The following TRANK1 variants were observed in gnomAD, a reference collection of about 807,000 sequenced individuals.
TRANK1 encodes TPR and ankyrin repeat-containing protein 1.
TRANK1 carries 198 observed loss-of-function variants against 266.0 expected under a neutral mutation model. That is an observed-to-expected ratio of 0.74 (90% CI 0.66 to 0.84). The LOEUF (loss-of-function observed/expected upper bound fraction) is 0.84. TRANK1 is among the 40% of genes least tolerant of loss of function. The probability of loss-of-function intolerance (pLI) is 0.00; values close to 1 mark genes in which losing one functional copy is unlikely to be tolerated. For missense variants in TRANK1, 3,326 were observed against 3,634.6 expected (o/e 0.92, Z 2.18); for synonymous variants, 1,396 against 1,384.1 (o/e 1.01, Z -0.19).
intron 1 of TRANK1, among the ~76,000 whole-genome samples, chr3:36,920,365 T>C (rs928867309): frequency 2.6e-5 from 4 of 152,170 alleles, no homozygotes; most frequent in Non-Finnish European, 5.9e-5. Flanking sequence ...TTCTGTTATG[T>C]GCCTCTCTTC....
chr3:36,874,633 A>C (rs938026344), intron 8 of TRANK1, among the ~76,000 whole-genome samples: 1 of 152,202 alleles, frequency 6.6e-6, no homozygotes, highest in Non-Finnish European at 1.5e-5. Context: ...CTGTGACTTC[A>C]GATTTCTTTA....
Position 36,830,952 on chromosome 3 carries a change from C to A in TRANK1, c.8631G>T (p.Met2877Ile). 6.2e-7 allele frequency: 1 copy of A among 1,614,028 alleles called. No homozygotes were observed. Among genetic ancestry groups the A allele is most frequent in the Middle Eastern group, 1.6e-4 (1 of 6,062 alleles). The change falls in exon 22 of 24, where the codon ATG becomes ATT. Residue 2877 changes from methionine to isoleucine, a missense_variant. Physicochemically the swap from Met to Ile is conservative, Grantham distance 10. Transcript: ENST00000645898. The part of the protein sequence containing the change: ...SHVGSKEHSH[M>I]LQKVQEHIKR... ...TGATGTGCTCCTGGACCTTCTGCAG[C>A]ATGTGGCTGTGCTCCTTGGAGCCCA...
chr3:36,872,891 G>A (rs1163252942), intron 9 of TRANK1, among the ~76,000 whole-genome samples: 4 of 152,152 alleles, frequency 2.6e-5, no homozygotes. Flanking sequence ...ATACATACTA[G>A]GGAAATTGCA....
chr3:36,942,469 CCTT>C (rs1163730069), intron 1 of TRANK1, among the ~76,000 whole-genome samples: 2 of 136,862 alleles, frequency 1.5e-5, no homozygotes, highest in African/African-American at 5.4e-5. Flanking sequence ...CAGCATCTTC[CCTT>C]CTTCTTCCTC....
chr3:36,841,248 C>T (rs1444047650), intron 18 of TRANK1, among the ~76,000 whole-genome samples: 5 of 152,276 alleles, frequency 3.3e-5, no homozygotes, highest in East Asian at 1.9e-4. Context: ...TGTTCCAAAG[C>T]GGCAAGAGAA....
At chr3:36,906,037 T>A (rs1045863632) in intron 2 of TRANK1, among the ~76,000 whole-genome samples, 1 of 152,096 alleles carries the variant, frequency 6.6e-6, no homozygotes, top group African/African-American at 2.4e-5. Flanking sequence ...TGAACACACA[T>A]AGTGTGGGGT....
chr3:36,848,603 T>G (rs2078945764), intron 15 of TRANK1, among the ~76,000 whole-genome samples: 2 of 152,240 alleles, frequency 1.3e-5, no homozygotes, highest in African/African-American at 4.8e-5. Flanking sequence ...ACTTGAACTA[T>G]GTAAACAAGG....
chr3:36,852,684 C>T (rs1469646081), intron 13 of TRANK1, among the ~76,000 whole-genome samples: 2 of 150,270 alleles, frequency 1.3e-5, no homozygotes, highest in Admixed American at 6.7e-5. Context: ...GCAGGAGAAT[C>T]GCTTGAACCC....
intron 15 of TRANK1, chr3:36,850,866 A>G (rs1479802161): frequency 1.0e-5 from 10 of 985,330 alleles, no homozygotes; most frequent in African/African-American, 1.7e-5. Context: ...TGACTTGGGT[A>G]TAACATAGCC....
At chr3:36,914,946 T>C (rs889917400) in intron 1 of TRANK1, among the ~76,000 whole-genome samples, 2 of 150,990 alleles carry the variant, frequency 1.3e-5, no homozygotes, top group African/African-American at 4.9e-5. Flanking sequence ...CCTATTTTAT[T>C]TCTTTTTTGT....
At chr3:36,902,687 T>C (rs1022461701) in intron 3 of TRANK1, among the ~76,000 whole-genome samples, 3 of 152,212 alleles carry the variant, frequency 2.0e-5, no homozygotes, top group Admixed American at 6.5e-5. Context: ...TTCTGAAAAA[T>C]TGGTTTTGTG....
Position 36,831,437 on chromosome 3 carries a change from T to C in TRANK1, c.8146A>G (p.Lys2716Glu), listed in dbSNP as rs1446804380. The C allele has an allele frequency of 6.2e-7, 1 of 1,613,128 alleles. No homozygotes were observed. Among genetic ancestry groups the C allele is most frequent in the South Asian group, 1.1e-5 (1 of 90,830 alleles). ...CTCAACTTCCGCTGTATGGAGGCCT[T>C]CCGTTGCTTTTGGGAAAGAATGGTG... ...LATILSQKQR[K>E]ASIQRKLRRA... Residue 2716 changes from lysine to glutamate, a missense_variant, in exon 22 of 24, where the codon AAG (lysine) becomes GAG (glutamate). By Grantham distance (56) the Lys-to-Glu change is moderately conservative. Transcript: ENST00000645898. The surrounding 1 kb of genome is among the most constrained non-coding windows in gnomAD (Gnocchi z 5.0).
Position 36,833,207 on chromosome 3 carries a change from A to T in TRANK1, c.6376T>A (p.Tyr2126Asn). The T allele has an allele frequency of 6.2e-7, 1 of 1,614,004 alleles. No individual in the cohort carries two copies. The highest frequency in any genetic ancestry group is 1.1e-5 in the South Asian group (1 of 91,084). ...FFGISQVDAKYCQIAQNDPGP... is the reference protein window; with the variant it reads ...FFGISQVDAKNCQIAQNDPGP... ...GGGTCATTCTGAGCTATCTGGCAAT[A>T]CTTGGCATCCACCTGGGAAATCCCA... The change falls in exon 22 of 24, where the codon TAT becomes AAT. Residue 2126 changes from tyrosine to asparagine, a missense_variant. Physicochemically the swap from Tyr to Asn is moderately radical, Grantham distance 143. Transcript: ENST00000645898.
At chr3:36,851,039 G>A (rs1575200848) in intron 15 of TRANK1, 3 of 985,462 alleles carry the variant, frequency 3.0e-6, no homozygotes, top group Non-Finnish European at 2.4e-6. Context: ...CCAGGACAAC[G>A]GCTGTGAGTT....
chr3:36,939,260 TACACACACAC>T (rs10623771), intron 1 of TRANK1, among the ~76,000 whole-genome samples: 21 of 139,926 alleles, frequency 1.5e-4, no homozygotes, highest in African/African-American at 2.9e-4. Flanking sequence ...CATTCTAACA[TACACACACAC>T]ACACACACAC....
rs1048417794 is a variant in TRANK1, at chr3:36,827,009, C to T, written c.*1266G>A. The T allele has an allele frequency of 2.0e-5, 3 of 152,002 alleles. No individual in the cohort carries two copies. The highest frequency in any genetic ancestry group is 2.4e-5 in the African/African-American group (1 of 41,328). 9.4% of individuals were successfully genotyped at this position (152,002 alleles called of 1,614,324 possible). A position where few individuals can be genotyped will look rare whatever the true frequency, so the allele number is the denominator to read the frequency against. On this transcript the variant is annotated 3_prime_UTR_variant, in exon 24 of 24. Coordinates refer to ENST00000645898, the MANE Select transcript of TRANK1 (RefSeq NM_001329998.2). Reference sequence around the variant, plus strand: ...ATAAGGAAGAGAAAACAACAAGCAGCATGAGCAGCAAAAGCAGCAGCAACA... The same window carrying T: ...ATAAGGAAGAGAAAACAACAAGCAGTATGAGCAGCAAAAGCAGCAGCAACA...
chr3:36,879,661 T>C lies in TRANK1; in HGVS notation c.908-5365A>G, dbSNP rs1030184010. The stretch of plus-strand genomic sequence containing the variant: ...AAATATACAAATATATATAAATATA[T>C]AAATATATATAAATATATAAATATA... On this transcript the variant is annotated intron_variant, in intron 8 of 23. Coordinates refer to ENST00000645898, the MANE Select transcript of TRANK1 (RefSeq NM_001329998.2). 7.0e-5 allele frequency among the ~76,000 whole-genome samples: 8 copies of C among 113,630 alleles called. 1 individual carries two copies. The highest frequency in any genetic ancestry group is 1.0e-4 in the Admixed American group (1 of 9,532). 74.5% of individuals were successfully genotyped at this position (113,630 alleles called of 152,430 possible).
intron 1 of TRANK1, among the ~76,000 whole-genome samples, chr3:36,920,680 C>A (rs567888009): frequency 6.6e-6 from 1 of 152,028 alleles, no homozygotes; most frequent in Admixed American, 6.6e-5. Flanking sequence ...ATTTTGCTTC[C>A]GGCGTAAGGA....
At chr3:36,860,258 T>C (rs1268325259) in intron 11 of TRANK1, among the ~76,000 whole-genome samples, 1 of 152,130 alleles carries the variant, frequency 6.6e-6, no homozygotes. Context: ...AATGAAGTCA[T>C]AAATGGCATG....
Sources: gnomAD v4.1 joint callset for allele counts (sites outside exome capture counted in the v4.1 genomes callset) on GRCh38, gnomAD v4.1.1 for gene constraint, Gnocchi (gnomAD v3.1) non-coding constraint, MANE v1.5 for transcripts, NCBI Gene and HGNC (gene_info 2026-07-23, HGNC 2026-07-21) for gene names.